Variants in LRSAM1 observed in about 807,000 individuals in gnomAD.
LRSAM1 encodes leucine rich repeat and sterile alpha motif containing 1.
LRSAM1 carries 96 observed loss-of-function variants against 118.1 expected under a neutral mutation model. The observed-to-expected ratio is 0.81, with a 90% CI of 0.69 to 0.96. The LOEUF (loss-of-function observed/expected upper bound fraction) is 0.96, where lower values mean the gene tolerates loss of function less well. Ranked by LOEUF, LRSAM1 falls within the 40% of genes least tolerant of loss-of-function variation. The pLI is 0.00. For synonymous variants in LRSAM1, 322 were observed against 364.2 expected, an observed-to-expected ratio of 0.88 and a Z score of 1.32; for missense variants, 804 against 915.5, an observed-to-expected ratio of 0.88 and a Z score of 1.57.
chr9:127,489,399 AG>A, intron 18 of LRSAM1, 44 bp from the exon 19 acceptor site: 1 of 1,578,126 alleles, frequency 6.3e-7, no homozygotes, highest in East Asian at 2.3e-5. Context: ...TGCAGGGAAA[AG>A]TGTGGGCACG....
At chr9:127,484,603 T>G (rs1204280081) in intron 16 of LRSAM1, among the ~76,000 whole-genome samples, 7 of 150,964 alleles carry the variant, frequency 4.6e-5, no homozygotes, top group African/African-American at 1.7e-4. Context: ...CAAGCAGTCC[T>G]CCCACCTTGG....
rs1834481982 is a variant in LRSAM1, at chr9:127,455,447, C to G, written c.130-129C>G. ...GCCAGCCTTGCCCCTGGGCTCAGCA[C>G]TGCCACCTGCTGTGGCGTTTTGCCC... On this transcript the variant is annotated intron_variant, in intron 4 of 25. Coordinates refer to ENST00000300417, the MANE Select transcript of LRSAM1 (RefSeq NM_001005373.4). The G allele has an allele frequency of 6.4e-6, 6 of 931,340 alleles. No homozygotes were observed. The South Asian group carries it at 7.9e-5, about 12-fold the overall frequency. The allele number at this position is 931,340 out of a possible 1,614,324, so 57.7% of individuals were successfully genotyped here.
chr9:127,454,447 G>T, intron 2 of LRSAM1, 49 bp from the exon 3 acceptor site: 1 of 1,429,738 alleles, frequency 7.0e-7, no homozygotes, highest in South Asian at 1.2e-5. Context: ...CCCGGGTGTT[G>T]GGGGCTGTGA....
chr9:127,478,078 C>G (rs1467524043), intron 11 of LRSAM1, among the ~76,000 whole-genome samples: 1 of 151,264 alleles, frequency 6.6e-6, no homozygotes, highest in Non-Finnish European at 1.5e-5. Flanking sequence ...AAAGAAGAAC[C>G]TAACTCTTGT....
At chr9:127,459,428 T>C (rs1467729518) in intron 7 of LRSAM1, among the ~76,000 whole-genome samples, 1 of 151,984 alleles carries the variant, frequency 6.6e-6, no homozygotes, top group Non-Finnish European at 1.5e-5. Context: ...CTTGTTGGCC[T>C]GACTGGTCTC....
chr9:127,455,173 A>C (rs113268454), intron 4 of LRSAM1, 119 bp downstream of exon 4: 1 of 1,011,642 alleles, frequency 9.9e-7, no homozygotes, highest in Admixed American at 1.7e-5. Context: ...TCTAGTCACG[A>C]GATGTTTCCT....
At chr9:127,462,551 T>C (rs1317364084) in intron 9 of LRSAM1, among the ~76,000 whole-genome samples, 178 bp downstream of exon 9, 3 of 151,988 alleles carry the variant, frequency 2.0e-5, no homozygotes, top group Non-Finnish European at 4.4e-5. Flanking sequence ...TTATATGACT[T>C]TTGCTGCCAT....
At chr9:127,482,822 C>A in intron 15 of LRSAM1, 128 bp from the exon 16 acceptor site, 1 of 821,152 alleles carries the variant, frequency 1.2e-6, no homozygotes, top group Non-Finnish European at 2.0e-6. Context: ...CGGTAGGCAT[C>A]CAGAGAGCCC....
intron 24 of LRSAM1, among the ~76,000 whole-genome samples, chr9:127,500,390 T>C (rs1836340616): frequency 6.8e-6 from 1 of 146,650 alleles, no homozygotes; most frequent in Non-Finnish European, 1.5e-5. Context: ...CTTAGCATTT[T>C]GTAAGGGCTG....
At position 127,479,896 on chromosome 9, in the gene LRSAM1, C is replaced by T. The variant is rs780605033; in HGVS notation, c.961C>T (p.Arg321Trp). 8.1e-6 allele frequency: 13 copies of T among 1,611,756 alleles called. No individual in the cohort carries two copies. The East Asian group carries it at 1.3e-4, about 17-fold the overall frequency. ...GCACCAGCGCCACCTCAACGCAGAG[C>T]GGCAGCGGCTGCAGGAGCAGCTGAA... is the stretch of plus-strand genomic sequence containing the variant. Reference protein sequence around the residue: ...SEHQRHLNAERQRLQEQLKQT... With the variant: ...SEHQRHLNAEWQRLQEQLKQT... Residue 321 changes from arginine to tryptophan, a missense_variant, in exon 14 of 26, where the codon CGG becomes TGG. By Grantham distance (101) the Arg-to-Trp change is moderately radical. Coordinates refer to ENST00000300417, the MANE Select transcript of LRSAM1 (RefSeq NM_001005373.4).
At chr9:127,499,329 GTGCCCC>G (rs926958415) in intron 24 of LRSAM1, among the ~76,000 whole-genome samples, 24 of 151,754 alleles carry the variant, frequency 1.6e-4, no homozygotes, top group African/African-American at 5.8e-4. Flanking sequence ...AGCCATGATT[GTGCCCC>G]TGCACTCCAG....
chr9:127,465,982 T>C lies in LRSAM1; in HGVS notation c.529-1758T>C, dbSNP rs1444227510. Reference sequence around the variant, plus strand: ...TCATTACATAATTTAAAAGTCATACTGTATATTGTAAAACAAAAAAAATGC... The same window carrying C: ...TCATTACATAATTTAAAAGTCATACCGTATATTGTAAAACAAAAAAAATGC... On this transcript the variant is annotated intron_variant, in intron 9 of 25. Transcript: ENST00000300417. This position sits in a 1 kb window ranked among gnomAD's most constrained non-coding sequence, Gnocchi z 4.1. 7.1e-6 allele frequency among the ~76,000 whole-genome samples: 1 copy of C among 139,982 alleles called. No homozygotes were observed. Among genetic ancestry groups the C allele is most frequent in the Non-Finnish European group, 1.6e-5 (1 of 62,698 alleles). 91.8% of individuals were successfully genotyped at this position (139,982 alleles called of 152,430 possible). A position where few individuals can be genotyped will look rare whatever the true frequency, so the allele number is the denominator to read the frequency against.
chr9:127,475,536 TG>T (rs1485562424), intron 11 of LRSAM1, among the ~76,000 whole-genome samples: 1 of 152,078 alleles, frequency 6.6e-6, no homozygotes, highest in Non-Finnish European at 1.5e-5. Flanking sequence ...CCAACTTTGC[TG>T]GTAATCAGAG....
chr9:127,457,193 G>A (rs1834550743), intron 5 of LRSAM1, 123 bp from the exon 6 acceptor site: 1 of 960,796 alleles, frequency 1.0e-6, no homozygotes, highest in African/African-American at 1.6e-5. Context: ...GCATCCCCGT[G>A]GTGGTGTCTG....
At chr9:127,469,383 T>C (rs1835079213) in intron 10 of LRSAM1, among the ~76,000 whole-genome samples, 1 of 151,574 alleles carries the variant, frequency 6.6e-6, no homozygotes, top group South Asian at 2.1e-4. Flanking sequence ...GGCAGGAGAA[T>C]CACTTGAACC....
chr9:127,455,771 T>C, intron 5 of LRSAM1, 151 bp downstream of exon 5: 1 of 761,936 alleles, frequency 1.3e-6, no homozygotes, highest in Non-Finnish European at 2.3e-6. Context: ...TTTTCACAGA[T>C]AGGAGAGTAG....
chr9:127,466,505 T>TATATATATATATATA (rs61032058), intron 9 of LRSAM1, among the ~76,000 whole-genome samples: 40 of 18,942 alleles, frequency 2.1e-3, no homozygotes, highest in Non-Finnish European at 2.6e-3. Flanking sequence ...TATATATATA[T>TATATATATATATATA]TTTTTTTTTT....
chr9:127,455,593 T>C lies in LRSAM1; in HGVS notation c.147T>C (p.Phe49=). 1 of 1,613,976 alleles carries C rather than the reference T, an allele frequency of 6.2e-7. No homozygotes were observed. The highest frequency in any genetic ancestry group is 8.5e-7 in the Non-Finnish European group (1 of 1,180,032). Residue 49 remains phenylalanine (F), a synonymous_variant, in exon 5 of 26, where the codon TTT becomes TTC. Transcript: ENST00000300417. Reference sequence around the variant, plus strand: ...TATCTTAGATTCCATTTGGAGCTTTTGCAACATGCAAAGTTCTGCAGAAGA... The same window carrying C: ...TATCTTAGATTCCATTTGGAGCTTTCGCAACATGCAAAGTTCTGCAGAAGA... ...CELSEIPFGA[F]ATCKVLQKKV...
At chr9:127,459,814 C>A (rs1479045233) in intron 7 of LRSAM1, among the ~76,000 whole-genome samples, 2 of 152,204 alleles carry the variant, frequency 1.3e-5, no homozygotes, top group Non-Finnish European at 2.9e-5. Flanking sequence ...CCGTCTTGGC[C>A]TCCCAAAGTG....
Sources: gnomAD v4.1 joint callset for allele counts (sites outside exome capture counted in the v4.1 genomes callset) on GRCh38, gnomAD v4.1.1 for gene constraint, Gnocchi (gnomAD v3.1) non-coding constraint, MANE v1.5 for transcripts, NCBI Gene and HGNC (gene_info 2026-07-23, HGNC 2026-07-21) for gene names.